Variants in PDGFD observed in about 807,000 individuals in gnomAD.
PDGFD encodes platelet derived growth factor D.
In PDGFD, 30 loss-of-function variants were observed where a neutral mutation model predicts 44.7. The ratio of observed to expected loss-of-function variants is 0.67; its 90% CI spans 0.50 to 0.91. The LOEUF (loss-of-function observed/expected upper bound fraction) is 0.91. PDGFD is among the 40% of genes least tolerant of loss of function. The pLI is 0.00. For synonymous variants in PDGFD, 173 were observed against 168.4 expected, an observed-to-expected ratio of 1.03 and a Z score of -0.21; for missense variants, 445 against 457.8, an observed-to-expected ratio of 0.97 and a Z score of 0.25.
At chr11:104,117,821 C>T (rs1861664288) in intron 1 of PDGFD, among the ~76,000 whole-genome samples, 1 of 151,884 alleles carries the variant, frequency 6.6e-6, no homozygotes, top group Non-Finnish European at 1.5e-5. Flanking sequence ...AAGCAATCTA[C>T]AAATTCAACA....
chr11:104,028,712 G>C (rs1398818284), intron 1 of PDGFD, among the ~76,000 whole-genome samples: 3 of 149,440 alleles, frequency 2.0e-5, no homozygotes, highest in African/African-American at 7.4e-5. Context: ...AAAAAACACT[G>C]CAGTAAGAAC....
chr11:104,127,902 G>C (rs1454211124), intron 1 of PDGFD, among the ~76,000 whole-genome samples: 1 of 152,028 alleles, frequency 6.6e-6, no homozygotes. Flanking sequence ...CGTTAGTATT[G>C]GTATTTAGTG....
intron 1 of PDGFD, among the ~76,000 whole-genome samples, chr11:104,082,479 T>A (rs1285626589): frequency 6.6e-6 from 1 of 152,058 alleles, no homozygotes; most frequent in African/African-American, 2.4e-5. Flanking sequence ...GATTTTTTTC[T>A]TTATAGTTGG....
intron 1 of PDGFD, chr11:104,037,158 T>C (rs752887189): frequency 2.5e-6 from 4 of 1,613,742 alleles, no homozygotes; most frequent in Non-Finnish European, 2.5e-6. Flanking sequence ...CACAGCACCC[T>C]GGACAGCAGC....
At chr11:103,947,760 C>T (rs895797466) in intron 3 of PDGFD, 36 bp from the exon 4 acceptor site, 2 of 1,519,972 alleles carry the variant, frequency 1.3e-6, no homozygotes, top group Middle Eastern at 1.7e-4. Context: ...GTCAGTCAAA[C>T]CTCTGTTCAA....
At chr11:103,923,541 G>C (rs937204437) in intron 6 of PDGFD, among the ~76,000 whole-genome samples, 1 of 152,138 alleles carries the variant, frequency 6.6e-6, no homozygotes, top group African/African-American at 2.4e-5. Context: ...CTCATCAGTT[G>C]CAACCATGAG....
chr11:104,068,401 T>G (rs1860824328), intron 1 of PDGFD, among the ~76,000 whole-genome samples: 1 of 152,210 alleles, frequency 6.6e-6, no homozygotes, highest in Non-Finnish European at 1.5e-5. Context: ...TCTCTTCTTT[T>G]GCTGTGACTA....
chr11:104,153,981 G>C (rs1052748929), intron 1 of PDGFD, among the ~76,000 whole-genome samples: 1 of 152,122 alleles, frequency 6.6e-6, no homozygotes, highest in Non-Finnish European at 1.5e-5. Context: ...GGAGACAGTC[G>C]AGGAAACAAT....
In PDGFD at chr11:104,043,227, C is replaced by G. The variant is rs535635751; in HGVS notation, c.125-42972G>C. 5.3e-4 allele frequency among the ~76,000 whole-genome samples: 80 copies of G among 152,278 alleles called. 1 individual carries two copies. Among genetic ancestry groups the G allele is most frequent in the Middle Eastern group, 3.4e-3 (1 of 294 alleles). On this transcript the variant is annotated intron_variant, in intron 1 of 6. Transcript: ENST00000393158. ...TAAATACAACAAGGAAGGATCTATT[C>G]ACCAGAATTTTATTGACCACCTGCT...
intron 1 of PDGFD, among the ~76,000 whole-genome samples, chr11:104,040,854 A>G (rs1860337854): frequency 6.6e-6 from 1 of 152,022 alleles, no homozygotes; most frequent in Non-Finnish European, 1.5e-5. Flanking sequence ...GAAATGAAAT[A>G]ATAGGATATG....
intron 2 of PDGFD, among the ~76,000 whole-genome samples, chr11:103,996,596 T>C (rs1859536858): frequency 6.6e-6 from 1 of 152,216 alleles, no homozygotes; most frequent in Non-Finnish European, 1.5e-5. Context: ...ACTCTAGTTA[T>C]AGGCCCAAAT....
intron 1 of PDGFD, among the ~76,000 whole-genome samples, chr11:104,146,572 TGC>T (rs1862165396): frequency 6.6e-6 from 1 of 152,172 alleles, no homozygotes; most frequent in East Asian, 1.9e-4. Flanking sequence ...TGATGTGGGA[TGC>T]CCTCTTAAGA....
At chr11:104,051,657 G>GA (rs545597052) in intron 1 of PDGFD, among the ~76,000 whole-genome samples, 111 of 140,964 alleles carry the variant, frequency 7.9e-4, no homozygotes, top group East Asian at 1.2e-3. Flanking sequence ...ATTCCTGAAT[G>GA]AAAAAAAAAA....
At position 104,034,706 on chromosome 11, in the gene PDGFD, A is replaced by T. The variant is rs889246699; in HGVS notation, c.125-34451T>A. ...CACCCAGGCTGGAGTGCACTGGCGC[A>T]ATCTCGGCTTACTGCAAGCTCCACC... On this transcript the variant is annotated intron_variant, in intron 1 of 6. Coordinates refer to ENST00000393158, the MANE Select transcript of PDGFD (RefSeq NM_025208.5). Among the ~76,000 whole-genome samples the T allele has an allele frequency of 2.6e-5, 4 of 151,290 alleles. No individual in the cohort carries two copies. In the South Asian group the frequency reaches 8.4e-4, roughly 32 times the overall value.
At chr11:103,966,349 A>G (rs1003584975) in intron 3 of PDGFD, among the ~76,000 whole-genome samples, 1 of 152,188 alleles carries the variant, frequency 6.6e-6, no homozygotes, top group Non-Finnish European at 1.5e-5. Context: ...AATGACAGTC[A>G]ATTTCTACAG....
chr11:103,919,079 A>G (rs541958125), intron 6 of PDGFD, among the ~76,000 whole-genome samples: 3 of 152,306 alleles, frequency 2.0e-5, no homozygotes, highest in East Asian at 1.9e-4. Flanking sequence ...CTTAACACCT[A>G]TGGGTGCAAA....
At chr11:104,126,118 T>A (rs892753115) in intron 1 of PDGFD, among the ~76,000 whole-genome samples, 2 of 152,180 alleles carry the variant, frequency 1.3e-5, no homozygotes, top group Non-Finnish European at 2.9e-5. Context: ...CTCATATCCT[T>A]AGCCTATCAC....
intron 6 of PDGFD, among the ~76,000 whole-genome samples, chr11:103,910,579 C>T (rs1858011735): frequency 6.6e-6 from 1 of 152,246 alleles, no homozygotes; most frequent in Non-Finnish European, 1.5e-5. Context: ...AGATACTGCA[C>T]TTTTCCCATA....
intron 1 of PDGFD, among the ~76,000 whole-genome samples, chr11:104,078,356 A>G (rs1185766334): frequency 6.6e-6 from 1 of 152,146 alleles, no homozygotes; most frequent in Admixed American, 6.5e-5. Context: ...ATATACACCC[A>G]TCAACACTAT....
Sources: allele counts gnomAD v4.1 joint callset (sites outside exome capture counted in the v4.1 genomes callset), GRCh38; gene constraint gnomAD v4.1.1; transcripts MANE v1.5; gene names NCBI Gene and HGNC (gene_info 2026-07-23, HGNC 2026-07-21).